GPC5: variants seen among roughly 807,000 people sequenced by gnomAD.
GPC5 encodes the protein glypican-5.
A neutral mutation model predicts 53.9 loss-of-function variants in GPC5; 47 were observed. The observed-to-expected ratio is 0.87, with a 90% CI of 0.69 to 1.11. The LOEUF (loss-of-function observed/expected upper bound fraction) is 1.11, where lower values mean the gene tolerates loss of function less well. Ranked by LOEUF, GPC5 falls within the 50% of genes most tolerant of loss-of-function variation. The pLI is 0.00. For missense variants in GPC5, 748 were observed against 713.1 expected, an observed-to-expected ratio of 1.05 and a Z score of -0.56; for synonymous variants, 286 against 263.3, an observed-to-expected ratio of 1.09 and a Z score of -0.84.
chr13:92,227,306 C>CA (rs902336012), intron 7 of GPC5, among the ~76,000 whole-genome samples: 7 of 152,018 alleles, frequency 4.6e-5, no homozygotes, highest in Non-Finnish European at 1.0e-4. Context: ...AAAACGCAAA[C>CA]AAAAAAACAG....
At position 91,893,073 on chromosome 13, in the gene GPC5, C is replaced by T. The variant is rs189345021; in HGVS notation, c.1281-14864C>T. ...TTGCGTGGACATTTTGTTGATAACT[C>T]ATAAGATGTAGCTGTTTTTATTAAA... On this transcript the variant is annotated intron_variant, in intron 5 of 7. Transcript: ENST00000377067. Among the ~76,000 whole-genome samples, 737 of 151,980 alleles carry T rather than the reference C, an allele frequency of 4.8e-3. 4 individuals carry two copies. The highest frequency in any genetic ancestry group is 7.0e-3 in the Non-Finnish European group (476 of 67,834).
intron 7 of GPC5, among the ~76,000 whole-genome samples, chr13:92,276,992 CT>C (rs2042880231): frequency 6.6e-6 from 1 of 150,560 alleles, no homozygotes; most frequent in Non-Finnish European, 1.5e-5. Context: ...TTTAGTCTCT[CT>C]CTCTTTTTTT....
intron 7 of GPC5, among the ~76,000 whole-genome samples, chr13:92,244,548 T>C (rs1207082765): frequency 2.6e-5 from 4 of 152,210 alleles, no homozygotes; most frequent in Non-Finnish European, 5.9e-5. Context: ...AGTTCCAAGA[T>C]ACACTTCCTA....
chr13:91,763,006 T>A (rs898018094), intron 5 of GPC5, among the ~76,000 whole-genome samples: 1 of 152,136 alleles, frequency 6.6e-6, no homozygotes. Context: ...TTGGAATAGA[T>A]CTCCTGGATT....
At chr13:91,945,150 T>A (rs1475715485) in intron 6 of GPC5, among the ~76,000 whole-genome samples, 1 of 152,210 alleles carries the variant, frequency 6.6e-6, no homozygotes, top group Non-Finnish European at 1.5e-5. Context: ...CCTAATTCTA[T>A]CCTATGTTTT....
chr13:91,814,696 A>G (rs910382893), intron 5 of GPC5, among the ~76,000 whole-genome samples: 1 of 152,022 alleles, frequency 6.6e-6, no homozygotes, highest in African/African-American at 2.4e-5. Flanking sequence ...ACCCATCACC[A>G]TGCCTGGCTA....
At chr13:92,405,386 C>A (rs1023014) in intron 7 of GPC5, among the ~76,000 whole-genome samples, 80,886 of 151,994 alleles carry the variant, frequency 0.53, 21,732 homozygotes, top group East Asian at 0.72. Flanking sequence ...ACACAGGCAG[C>A]GGCCCCAACT....
chr13:91,726,459 G>T (rs1055492295), intron 3 of GPC5, among the ~76,000 whole-genome samples: 5 of 152,128 alleles, frequency 3.3e-5, no homozygotes, highest in African/African-American at 1.2e-4. Context: ...AAAAAATAAA[G>T]CTCCTTAGCC....
rs7322991 is a variant in GPC5 at position 92,384,771 on chromosome 13, T to C, written c.1561+239782T>C. The stretch of plus-strand genomic sequence containing the variant: ...AGAGCAGCATTTTCCCCACAAATGA[T>C]TGTTGTCTTCTTTCACCCGTGTGCC... On this transcript the variant is annotated intron_variant, in intron 7 of 7. Transcript: ENST00000377067. Among the ~76,000 whole-genome samples the C allele has an allele frequency of 4.1e-3, 625 of 152,290 alleles. 3 individuals carry two copies. Among genetic ancestry groups the C allele is most frequent in the African/African-American group, 0.014 (595 of 41,568 alleles).
At chr13:91,976,658 G>A (rs939117258) in intron 6 of GPC5, among the ~76,000 whole-genome samples, 3 of 152,138 alleles carry the variant, frequency 2.0e-5, no homozygotes, top group Admixed American at 6.5e-5. Context: ...GTGATCTGGC[G>A]AGTTTCAGTT....
At chr13:92,538,443 T>TTTTCTTTCTTTC (rs1216580335) in intron 7 of GPC5, among the ~76,000 whole-genome samples, 1 of 151,206 alleles carries the variant, frequency 6.6e-6, no homozygotes, top group African/African-American at 2.4e-5. Flanking sequence ...CCCATTTCTT[T>TTTTCTTTCTTTC]TTTCTTTCTT....
At chr13:92,408,423 C>G (rs969013640) in intron 7 of GPC5, among the ~76,000 whole-genome samples, 1 of 152,076 alleles carries the variant, frequency 6.6e-6, no homozygotes, top group Non-Finnish European at 1.5e-5. Flanking sequence ...ATGTAGAAGA[C>G]AGTGGGACTT....
intron 7 of GPC5, among the ~76,000 whole-genome samples, chr13:92,567,699 A>G (rs1246898312): frequency 6.6e-6 from 1 of 152,146 alleles, no homozygotes; most frequent in African/African-American, 2.4e-5. Flanking sequence ...GAAGCTAAAA[A>G]GACAAGAACA....
chr13:92,004,458 T>TATATATATA (rs1555303834), intron 6 of GPC5, among the ~76,000 whole-genome samples: 4 of 82,488 alleles, frequency 4.8e-5, no homozygotes, highest in Non-Finnish European at 6.5e-5. Flanking sequence ...AAAAAAAAAA[T>TATATATATA]TATATATATA....
intron 7 of GPC5, among the ~76,000 whole-genome samples, chr13:92,335,069 G>A (rs2139240016): frequency 6.6e-6 from 1 of 152,168 alleles, no homozygotes; most frequent in Non-Finnish European, 1.5e-5. Context: ...GGACTCTGTG[G>A]GTTGGGGGGG....
intron 5 of GPC5, among the ~76,000 whole-genome samples, chr13:91,791,567 C>G (rs546241531): frequency 6.7e-6 from 1 of 149,908 alleles, no homozygotes; most frequent in Non-Finnish European, 1.5e-5. Context: ...AGCTAAGCTT[C>G]CATTCTCATA....
At chr13:91,544,681 G>GTAT (rs1235799343) in intron 2 of GPC5, among the ~76,000 whole-genome samples, 1 of 152,146 alleles carries the variant, frequency 6.6e-6, no homozygotes, top group Non-Finnish European at 1.5e-5. Context: ...TTTGCATGAT[G>GTAT]TATTTGGATG....
intron 7 of GPC5, among the ~76,000 whole-genome samples, chr13:92,190,729 G>A (rs186850571): frequency 5.9e-5 from 9 of 152,020 alleles, no homozygotes; most frequent in East Asian, 1.9e-4. Context: ...AAGTATAATC[G>A]ATAAGCTAAG....
chr13:92,099,255 A>G (rs2041446468), intron 6 of GPC5, among the ~76,000 whole-genome samples: 1 of 152,166 alleles, frequency 6.6e-6, no homozygotes, highest in Admixed American at 6.6e-5. Flanking sequence ...GCCATCACCT[A>G]TCCTAGAGAA....
Sources: gnomAD v4.1 joint callset for allele counts (sites outside exome capture counted in the v4.1 genomes callset) on GRCh38, gnomAD v4.1.1 for gene constraint, MANE v1.5 for transcripts, NCBI Gene and HGNC (gene_info 2026-07-23, HGNC 2026-07-21) for gene names.